NFIX: variants seen among roughly 807,000 people sequenced by gnomAD.
NFIX encodes the protein nuclear factor 1 X-type.
In NFIX, 2 loss-of-function variants were observed where a neutral mutation model predicts 53.3. The observed-to-expected ratio is 0.04, with a 90% CI of 0.02 to 0.12. NFIX has a LOEUF of 0.12. Ranked by LOEUF, NFIX falls within the 10% of genes least tolerant of loss-of-function variation. The pLI, the probability that NFIX is intolerant of heterozygous loss-of-function variation, is 1.00. For missense variants in NFIX, 310 were observed against 674.5 expected, an observed-to-expected ratio of 0.46 and a Z score of 5.99; for synonymous variants, 244 against 289.0, an observed-to-expected ratio of 0.84 and a Z score of 1.58.
At chr19:13,079,421 C>T (rs989323178) in intron 7 of NFIX, among the ~76,000 whole-genome samples, 1 of 152,214 alleles carries the variant, frequency 6.6e-6, no homozygotes, top group Non-Finnish European at 1.5e-5. Context: ...TAGGATCAGG[C>T]AGGAGGCTGT....
At chr19:13,079,394 A>G (rs1343585769) in intron 7 of NFIX, among the ~76,000 whole-genome samples, 1 of 152,238 alleles carries the variant, frequency 6.6e-6, no homozygotes, top group Admixed American at 6.5e-5. Context: ...GAGAACACCT[A>G]GATCGCCCTG....
rs1314001653 is a variant in NFIX, at chr19:13,067,568, A to G, written c.560-5479A>G. ...TCCAAGTGTATGCACATACCTGGGT[A>G]TGCATATGTGGGTTCAGCTAAGGCC... is the stretch of plus-strand genomic sequence containing the variant. On this transcript the variant is annotated intron_variant, in intron 2 of 10. Coordinates refer to ENST00000592199, the MANE Select transcript of NFIX (RefSeq NM_001365902.3). The surrounding 1 kb of genome is among the most constrained non-coding windows in gnomAD (Gnocchi z 4.2). 1.3e-5 allele frequency among the ~76,000 whole-genome samples: 2 copies of G among 151,912 alleles called. No individual in the cohort carries two copies. Among genetic ancestry groups the G allele is most frequent in the Non-Finnish European group, 2.9e-5 (2 of 67,992 alleles).
chr19:13,058,762 G>T (rs2015873410), intron 2 of NFIX, among the ~76,000 whole-genome samples: 1 of 152,054 alleles, frequency 6.6e-6, no homozygotes, highest in African/African-American at 2.4e-5. Context: ...AGAAGTACAG[G>T]AGCACATGAA....
intron 2 of NFIX, among the ~76,000 whole-genome samples, chr19:13,038,017 C>T (rs999205460): frequency 6.6e-6 from 1 of 152,136 alleles, no homozygotes; most frequent in African/African-American, 2.4e-5. Flanking sequence ...GCTTGGCTGC[C>T]TTCCTGAATT....
chr19:13,043,055 T>C lies in NFIX; in HGVS notation c.559+17503T>C, dbSNP rs142277001. Among the ~76,000 whole-genome samples the C allele has an allele frequency of 2.7e-3, 414 of 152,282 alleles. 3 individuals are homozygous for C. The highest frequency in any genetic ancestry group is 0.014 in the Middle Eastern group (4 of 294). ...TCGTGTACATTGCACATACATGTCATGTCAGGATGCACTTTTACAAGTCAA... is the reference window on the plus strand; with the variant it reads ...TCGTGTACATTGCACATACATGTCACGTCAGGATGCACTTTTACAAGTCAA... On this transcript the variant is annotated intron_variant, in intron 2 of 10. Transcript: ENST00000592199. The surrounding 1 kb of genome is among the most constrained non-coding windows in gnomAD (Gnocchi z 4.0).
chr19:13,070,115 C>T (rs1375281311), intron 2 of NFIX: 4 of 152,266 alleles, frequency 2.6e-5, no homozygotes, highest in Admixed American at 2.0e-4. Context: ...CAGGACGTCT[C>T]CTTGCCTCCC....
At chr19:13,075,068 T>TAAAA (rs57860606) in intron 5 of NFIX, among the ~76,000 whole-genome samples, 3 of 73,696 alleles carry the variant, frequency 4.1e-5, no homozygotes, top group African/African-American at 1.3e-4. Context: ...AGACTCCATC[T>TAAAA]AAAAAAAAAA....
Position 13,022,646 on chromosome 19 carries a change from C to G in NFIX, c.28-2375C>G, listed in dbSNP as rs1486723288. ...AAACAGAAAAAGAGAGTGTGCAGGCCCGAGAGAAAGACTGAAACCAAAACA... is the reference window on the plus strand; with the variant it reads ...AAACAGAAAAAGAGAGTGTGCAGGCGCGAGAGAAAGACTGAAACCAAAACA... On this transcript the variant is annotated intron_variant, in intron 1 of 10. Coordinates refer to ENST00000592199, the MANE Select transcript of NFIX (RefSeq NM_001365902.3). The surrounding 1 kb of genome is among the most constrained non-coding windows in gnomAD (Gnocchi z 4.5). 6.6e-6 allele frequency among the ~76,000 whole-genome samples: 1 copy of G among 151,954 alleles called. No individual in the cohort carries two copies. Among genetic ancestry groups the G allele is most frequent in the African/African-American group, 2.4e-5 (1 of 41,348 alleles).
Position 12,998,421 on chromosome 19 carries a change from G to T in NFIX, c.27+2557G>T, listed in dbSNP as rs1313521437. Among the ~76,000 whole-genome samples the T allele has an allele frequency of 1.3e-5, 2 of 151,962 alleles. No homozygotes were observed. Among genetic ancestry groups the T allele is most frequent in the Non-Finnish European group, 2.9e-5 (2 of 68,004 alleles). On this transcript the variant is annotated intron_variant, in intron 1 of 10. Transcript: ENST00000592199. This position sits in a 1 kb window ranked among gnomAD's most constrained non-coding sequence, Gnocchi z 4.4. ...GCAGGAACGAGCTTGGAGCAGCGGG[G>T]CCCTGGCGGGGAAAGGTACTGTGGG...
chr19:13,064,454 C>G (rs535383135), intron 2 of NFIX, among the ~76,000 whole-genome samples: 2 of 152,342 alleles, frequency 1.3e-5, no homozygotes, highest in East Asian at 3.9e-4. Context: ...CCTGTTGGCC[C>G]TCTCTCCCCC....
rs893796350 is a variant in NFIX at position 13,026,392 on chromosome 19, A to C, written c.559+840A>C. Among the ~76,000 whole-genome samples the C allele has an allele frequency of 3.3e-5, 5 of 152,110 alleles. No individual in the cohort carries two copies. In the South Asian group the frequency reaches 6.2e-4, roughly 19 times the overall value. On this transcript the variant is annotated intron_variant, in intron 2 of 10. Coordinates refer to ENST00000592199, the MANE Select transcript of NFIX (RefSeq NM_001365902.3). ...CAAACAAACAAACCAAAAAAAAAAA[A>C]AACTCTGTAAAATCTCCTTTTCCTT...
chr19:13,084,367 C>G (rs1011755555), intron 8 of NFIX, among the ~76,000 whole-genome samples: 2 of 152,052 alleles, frequency 1.3e-5, no homozygotes, highest in East Asian at 1.9e-4. Flanking sequence ...TCGCTTGAAC[C>G]CGGGAGGCAG....
At position 13,051,898 on chromosome 19, in the gene NFIX, A is replaced by C. The variant is rs1301050114; in HGVS notation, c.560-21149A>C. On this transcript the variant is annotated intron_variant, in intron 2 of 10. Coordinates refer to ENST00000592199, the MANE Select transcript of NFIX (RefSeq NM_001365902.3). The surrounding 1 kb of genome is among the most constrained non-coding windows in gnomAD (Gnocchi z 5.1). ...AGCAGCCGGGCGGCTGCGGGAAGGCACTTCTTAGGCGCCGCCTCCTCCTCA... is the reference window on the plus strand; with the variant it reads ...AGCAGCCGGGCGGCTGCGGGAAGGCCCTTCTTAGGCGCCGCCTCCTCCTCA... 1.3e-5 allele frequency among the ~76,000 whole-genome samples: 2 copies of C among 152,074 alleles called. No homozygotes were observed. The highest frequency in any genetic ancestry group is 2.9e-5 in the Non-Finnish European group (2 of 68,000).
At position 12,996,873 on chromosome 19, in the gene NFIX, C is replaced by A. The variant is rs370702105; in HGVS notation, c.27+1009C>A. On this transcript the variant is annotated intron_variant, in intron 1 of 10. Coordinates refer to ENST00000592199, the MANE Select transcript of NFIX (RefSeq NM_001365902.3). This position sits in a 1 kb window ranked among gnomAD's most constrained non-coding sequence, Gnocchi z 5.2. ...CGGCAAAAGCTTCGAGGATGCCTGT[C>A]GGGCCACCCAACTCTCCCTGGGCTG... 3.0e-4 allele frequency among the ~76,000 whole-genome samples: 46 copies of A among 152,380 alleles called. No individual in the cohort carries two copies. In the East Asian group the frequency reaches 3.9e-3, roughly 13 times the overall value.
In NFIX at chr19:13,025,587, T is replaced by C; in HGVS notation, c.559+35T>C. 1.3e-6 allele frequency: 2 copies of C among 1,589,088 alleles called. No homozygotes were observed. Among genetic ancestry groups the C allele is most frequent in the Middle Eastern group, 2.2e-4 (1 of 4,610 alleles). On this transcript the variant is annotated intron_variant, in intron 2 of 10. Coordinates refer to ENST00000592199, the MANE Select transcript of NFIX (RefSeq NM_001365902.3). The surrounding 1 kb of genome is among the most constrained non-coding windows in gnomAD (Gnocchi z 7.5). ...TCTCAACCATTTTTCCCTCTCATTT[T>C]ATTTTCCTTGCTGGCATTTGTTCTG...
Position 13,028,939 on chromosome 19 carries a change from GA to G in NFIX, c.559+3398del, listed in dbSNP as rs371648003. 5.7e-3 allele frequency among the ~76,000 whole-genome samples: 833 copies of G among 146,896 alleles called. 7 individuals carry two copies. The highest frequency in any genetic ancestry group is 0.018 in the African/African-American group (738 of 40,300). ...ACACCTAAGCCTTGGTCCTAGGAAA[GA>G]AAAAAAAAAATCCAAAGCTAACAAA... On this transcript the variant is annotated intron_variant, in intron 2 of 10. Transcript: ENST00000592199. This position sits in a 1 kb window ranked among gnomAD's most constrained non-coding sequence, Gnocchi z 4.2.
intron 2 of NFIX, among the ~76,000 whole-genome samples, chr19:13,055,650 G>A (rs1160790982): frequency 6.6e-6 from 1 of 152,188 alleles, no homozygotes; most frequent in Non-Finnish European, 1.5e-5. Flanking sequence ...TCTGCCTCCT[G>A]AGAGCCCATC....
At position 13,052,638 on chromosome 19, in the gene NFIX, C is replaced by T. The variant is rs561118834; in HGVS notation, c.560-20409C>T. ...GTCACATGTCAGACATGTGCCCTTT[C>T]TTGGGCTGAACCTAGAGTTGTTCAT... On this transcript the variant is annotated intron_variant, in intron 2 of 10. Coordinates refer to ENST00000592199, the MANE Select transcript of NFIX (RefSeq NM_001365902.3). The surrounding 1 kb of genome is among the most constrained non-coding windows in gnomAD (Gnocchi z 5.2). 1.3e-5 allele frequency among the ~76,000 whole-genome samples: 2 copies of T among 152,302 alleles called. No homozygotes were observed. Among genetic ancestry groups the T allele is most frequent in the African/African-American group, 4.8e-5 (2 of 41,560 alleles).
At chr19:13,015,421 T>C (rs528657878) in intron 1 of NFIX, among the ~76,000 whole-genome samples, 1 of 152,258 alleles carries the variant, frequency 6.6e-6, no homozygotes, top group Admixed American at 6.5e-5. Context: ...AGGCCCAGCC[T>C]GGTGTCGCTT....
Sources: allele counts gnomAD v4.1 joint callset (sites outside exome capture counted in the v4.1 genomes callset), GRCh38; gene constraint gnomAD v4.1.1; non-coding constraint Gnocchi (gnomAD v3.1); transcripts MANE v1.5; gene names NCBI Gene and HGNC (gene_info 2026-07-23, HGNC 2026-07-21).